The following SH3GL2 variants were observed in gnomAD, a reference collection of about 807,000 sequenced individuals.
The protein encoded by SH3GL2 is endophilin-A1.
SH3GL2 carries 24 observed loss-of-function variants against 46.0 expected under a neutral mutation model. That is an observed-to-expected ratio of 0.52 (90% CI 0.38 to 0.73). SH3GL2 has a LOEUF of 0.73. Among genes scored for constraint, SH3GL2 ranks in the 30% least tolerant of loss-of-function variants. SH3GL2 has a pLI of 0.00. For synonymous variants in SH3GL2, 196 were observed against 147.1 expected (o/e 1.33, Z -2.40); for missense variants, 413 against 424.2 (o/e 0.97, Z 0.23).
At chr9:17,632,880 A>T (rs999097758) in intron 1 of SH3GL2, among the ~76,000 whole-genome samples, 2 of 152,200 alleles carry the variant, frequency 1.3e-5, no homozygotes, top group African/African-American at 4.8e-5. Context: ...GCTTTGTTGT[A>T]AACAGGTAAC....
chr9:17,674,135 G>A (rs763591793), intron 1 of SH3GL2, among the ~76,000 whole-genome samples: 9 of 152,116 alleles, frequency 5.9e-5, no homozygotes, highest in African/African-American at 9.7e-5. Flanking sequence ...TCTTTTTAAT[G>A]CAAATGAGAG....
chr9:17,589,051 A>G (rs971019644), intron 1 of SH3GL2: 3 of 152,184 alleles, frequency 2.0e-5, no homozygotes, highest in African/African-American at 7.2e-5. Context: ...ATATTAATCT[A>G]TTTGTGAGCT....
chr9:17,604,260 C>T (rs189603316), intron 1 of SH3GL2, among the ~76,000 whole-genome samples: 25 of 152,322 alleles, frequency 1.6e-4, no homozygotes, highest in African/African-American at 6.0e-4. Flanking sequence ...GCTGCCTGGG[C>T]TCCACTCTGC....
chr9:17,702,179 T>C (rs1003620898), intron 1 of SH3GL2, among the ~76,000 whole-genome samples: 15 of 152,178 alleles, frequency 9.9e-5, no homozygotes, highest in Middle Eastern at 6.8e-3. Context: ...ATGGATAGTC[T>C]GCTTGGAAAA....
intron 1 of SH3GL2, among the ~76,000 whole-genome samples, chr9:17,690,291 G>A (rs1172191933): frequency 1.3e-5 from 2 of 152,026 alleles, no homozygotes; most frequent in Middle Eastern, 3.2e-3. Flanking sequence ...GCATTCCCCC[G>A]GGCGAGGCCT....
chr9:17,792,514 T>G (rs1824160361), intron 7 of SH3GL2, among the ~76,000 whole-genome samples: 2 of 152,216 alleles, frequency 1.3e-5, no homozygotes, highest in African/African-American at 4.8e-5. Flanking sequence ...TTTAGGGGTA[T>G]GTAGAAGACA....
At chr9:17,666,546 G>A (rs1037697580) in intron 1 of SH3GL2, among the ~76,000 whole-genome samples, 13 of 21,892 alleles carry the variant, frequency 5.9e-4, no homozygotes, top group African/African-American at 2.0e-3. Flanking sequence ...CAAAGGTAAC[G>A]TGTGTGTGTG....
intron 1 of SH3GL2, among the ~76,000 whole-genome samples, chr9:17,624,502 C>G (rs1294409534): frequency 7.1e-6 from 1 of 140,944 alleles, no homozygotes; most frequent in African/African-American, 2.6e-5. Context: ...ACATTCTGCT[C>G]TAAGCAAGAG....
At chr9:17,673,675 A>T in intron 1 of SH3GL2, among the ~76,000 whole-genome samples, 1 of 152,262 alleles carries the variant, frequency 6.6e-6, no homozygotes, top group East Asian at 1.9e-4. Context: ...TTCCCCAAAC[A>T]TAACTTTAGA....
chr9:17,703,435 C>T (rs1821386005), intron 1 of SH3GL2, among the ~76,000 whole-genome samples: 1 of 151,884 alleles, frequency 6.6e-6, no homozygotes, highest in Admixed American at 6.6e-5. Context: ...GGGACTCCTC[C>T]TTAACTCATT....
intron 3 of SH3GL2, among the ~76,000 whole-genome samples, chr9:17,784,817 A>G (rs915216078): frequency 1.3e-5 from 2 of 152,282 alleles, no homozygotes; most frequent in Non-Finnish European, 2.9e-5. Flanking sequence ...GCCTTGAGCA[A>G]TCTTTCCACG....
chr9:17,743,329 T>C (rs1335088066), intron 1 of SH3GL2, among the ~76,000 whole-genome samples: 6 of 152,088 alleles, frequency 3.9e-5, no homozygotes, highest in South Asian at 2.1e-4. Context: ...TATTACTTTT[T>C]CCCCCAGGAA....
At chr9:17,777,244 T>C (rs1823666070) in intron 3 of SH3GL2, among the ~76,000 whole-genome samples, 1 of 152,176 alleles carries the variant, frequency 6.6e-6, no homozygotes, top group African/African-American at 2.4e-5. Flanking sequence ...AAACATAACT[T>C]TTTAAGATGA....
At chr9:17,737,996 T>C (rs1170038341) in intron 1 of SH3GL2, among the ~76,000 whole-genome samples, 1 of 152,142 alleles carries the variant, frequency 6.6e-6, no homozygotes, top group East Asian at 1.9e-4. Context: ...CTCTCTCAAC[T>C]ATGTTCTAAT....
chr9:17,581,365 C>T (rs1317207069), intron 1 of SH3GL2, among the ~76,000 whole-genome samples: 12 of 152,156 alleles, frequency 7.9e-5, no homozygotes. Flanking sequence ...AGAATCACTG[C>T]GTCATTGTCT....
At chr9:17,707,105 A>G (rs1270741392) in intron 1 of SH3GL2, among the ~76,000 whole-genome samples, 1 of 151,928 alleles carries the variant, frequency 6.6e-6, no homozygotes, top group Non-Finnish European at 1.5e-5. Flanking sequence ...TAATGGGGGG[A>G]ACTTGTGCTT....
intron 2 of SH3GL2, among the ~76,000 whole-genome samples, chr9:17,751,577 G>A (rs1010644902): frequency 6.6e-6 from 1 of 151,916 alleles, no homozygotes; most frequent in Admixed American, 6.6e-5. Context: ...CACCGCCCAT[G>A]TTGGAACACA....
Position 17,628,411 on chromosome 9 carries a change from GGTGTGTGTGTGTGTGT to G in SH3GL2, c.45+49151_45+49166del, listed in dbSNP as rs3084633. Among the ~76,000 whole-genome samples, 337 of 143,770 alleles carry G rather than the reference GGTGTGTGTGTGTGTGT, an allele frequency of 2.3e-3. 1 individual carries two copies. Among genetic ancestry groups the G allele is most frequent in the South Asian group, 0.014 (63 of 4,606 alleles). The allele number at this position is 143,770 out of a possible 152,430, so 94.3% of individuals were successfully genotyped here. ...GGGATGCCCAGATAACTATATCTTG[GGTGTGTGTGTGTGTGT>G]GTGTGTGTGTGTGTGTGTGTGTGTG... On this transcript the variant is annotated intron_variant, in intron 1 of 8. Coordinates refer to ENST00000380607, the MANE Select transcript of SH3GL2 (RefSeq NM_003026.5).
Position 17,579,228 on chromosome 9 carries a change from G to C in SH3GL2, c.-15G>C, listed in dbSNP as rs756436665. 6.5e-7 allele frequency: 1 copy of C among 1,544,750 alleles called. No homozygotes were observed. The highest frequency in any genetic ancestry group is 1.2e-5 in the South Asian group (1 of 84,224). On this transcript the variant is annotated 5_prime_UTR_variant, in exon 1 of 9. Transcript: ENST00000380607. ...TCCCTCCCGCACAGCAGCCGCCAGC[G>C]CGGCCTCCTGCACCATGTCGGTGGC...
Sources: gnomAD v4.1 joint callset for allele counts (sites outside exome capture counted in the v4.1 genomes callset) on GRCh38, gnomAD v4.1.1 for gene constraint, MANE v1.5 for transcripts, NCBI Gene and HGNC (gene_info 2026-07-23, HGNC 2026-07-21) for gene names.